FRY: variants seen among roughly 807,000 people sequenced by gnomAD.
The protein encoded by FRY is FRY microtubule binding protein.
In FRY, 128 loss-of-function variants were observed where a neutral mutation model predicts 348.4. The ratio of observed to expected loss-of-function variants is 0.37; its 90% CI spans 0.32 to 0.43. FRY has a LOEUF of 0.43. FRY is among the 20% of genes least tolerant of loss of function. FRY has a pLI of 1.00. For synonymous variants in FRY, 1,370 were observed against 1,374.7 expected (o/e 1.00, Z 0.08); for missense variants, 2,736 against 3,695.2 (o/e 0.74, Z 6.73).
At chr13:32,269,622 G>A (rs1275437460) in intron 55 of FRY, among the ~76,000 whole-genome samples, 7 of 152,032 alleles carry the variant, frequency 4.6e-5, no homozygotes, top group Non-Finnish European at 8.8e-5. Flanking sequence ...AACCTGGGAG[G>A]CAGAGGTTGC....
chr13:32,090,524 G>A (rs1876226912), intron 2 of FRY, among the ~76,000 whole-genome samples: 1 of 152,106 alleles, frequency 6.6e-6, no homozygotes, highest in Admixed American at 6.5e-5. Context: ...ATGTCCTGAA[G>A]GAGATAGGAA....
At chr13:32,032,927 A>G (rs1458975581) in intron 1 of FRY, among the ~76,000 whole-genome samples, 1 of 152,234 alleles carries the variant, frequency 6.6e-6, no homozygotes, top group Admixed American at 6.5e-5. Context: ...CCTGTGGCCA[A>G]GATTGTTCTT....
At chr13:32,248,786 T>G (rs1886930515) in intron 48 of FRY, among the ~76,000 whole-genome samples, 1 of 152,216 alleles carries the variant, frequency 6.6e-6, no homozygotes, top group Non-Finnish European at 1.5e-5. Flanking sequence ...AAGCTATTTT[T>G]TCTCTGCAAT....
At chr13:32,204,856 A>G (rs1214878958) in intron 31 of FRY, among the ~76,000 whole-genome samples, 1 of 152,222 alleles carries the variant, frequency 6.6e-6, no homozygotes, top group African/African-American at 2.4e-5. Flanking sequence ...TCAGAAATAC[A>G]GAGGGAAATA....
intron 20 of FRY, among the ~76,000 whole-genome samples, chr13:32,175,870 A>T (rs1364999657): frequency 6.6e-6 from 1 of 152,224 alleles, no homozygotes; most frequent in Non-Finnish European, 1.5e-5. Context: ...AACAGTTTTA[A>T]GAATTGCTCA....
chr13:32,205,496 G>A (rs1353765953), intron 31 of FRY, among the ~76,000 whole-genome samples: 1 of 152,158 alleles, frequency 6.6e-6, no homozygotes, highest in Non-Finnish European at 1.5e-5. Flanking sequence ...GTAATTGGGG[G>A]ATTATATAGA....
At chr13:32,129,852 T>C (rs991698186) in intron 7 of FRY, among the ~76,000 whole-genome samples, 24 of 152,084 alleles carry the variant, frequency 1.6e-4, no homozygotes, top group African/African-American at 5.3e-4. Flanking sequence ...AACTAGAAAA[T>C]TGCCAGCACT....
At chr13:32,259,209 C>T (rs1887498250) in intron 51 of FRY, among the ~76,000 whole-genome samples, 1 of 152,188 alleles carries the variant, frequency 6.6e-6, no homozygotes, top group Non-Finnish European at 1.5e-5. Context: ...GGGTGGGTCT[C>T]CCACTAGGGC....
At chr13:32,280,808 C>T (rs947767455) in intron 58 of FRY, among the ~76,000 whole-genome samples, 5 of 152,144 alleles carry the variant, frequency 3.3e-5, no homozygotes, top group East Asian at 1.9e-4. Flanking sequence ...TTATAGCTTC[C>T]GGGTTAACCC....
At chr13:32,206,288 C>CA (rs1298834621) in intron 31 of FRY, among the ~76,000 whole-genome samples, 1 of 152,124 alleles carries the variant, frequency 6.6e-6, no homozygotes, top group African/African-American at 2.4e-5. Flanking sequence ...GGAGGGAGAA[C>CA]ACTCAGGAGA....
intron 1 of FRY, among the ~76,000 whole-genome samples, chr13:32,046,897 CAA>C (rs1193745663): frequency 6.6e-6 from 1 of 152,098 alleles, no homozygotes; most frequent in Non-Finnish European, 1.5e-5. Context: ...TTTGACTAAA[CAA>C]GAGTTTTTTC....
Position 32,295,519 on chromosome 13 carries a change from G to A in FRY, c.*59G>A, listed in dbSNP as rs559222048. 1.2e-5 allele frequency: 18 copies of A among 1,487,062 alleles called. No individual in the cohort carries two copies. Among genetic ancestry groups the A allele is most frequent in the Admixed American group, 5.0e-5 (3 of 59,850 alleles). 92.1% of individuals were successfully genotyped at this position (1,487,062 alleles called of 1,614,324 possible). A position where few individuals can be genotyped will look rare whatever the true frequency, so the allele number is the denominator to read the frequency against. ...GGCAGTGCTGCCATGCTGGGGCAAC[G>A]TCATTCAGTGTCTTCTCGGCCTTCA... On this transcript the variant is annotated 3_prime_UTR_variant, in exon 61 of 61. Coordinates refer to ENST00000542859, the MANE Select transcript of FRY (RefSeq NM_023037.3).
intron 8 of FRY, among the ~76,000 whole-genome samples, chr13:32,132,768 CA>C (rs1221721739): frequency 6.6e-6 from 1 of 151,986 alleles, no homozygotes; most frequent in African/African-American, 2.4e-5. Context: ...TCATAGTTGC[CA>C]AAAAGTGGAA....
intron 4 of FRY, among the ~76,000 whole-genome samples, chr13:32,119,364 A>G (rs1200013310): frequency 6.6e-6 from 1 of 152,246 alleles, no homozygotes; most frequent in Non-Finnish European, 1.5e-5. Flanking sequence ...TGGACTGCCA[A>G]ATAAATCTGT....
intron 55 of FRY, among the ~76,000 whole-genome samples, chr13:32,267,772 G>A (rs537804003): frequency 6.6e-6 from 1 of 152,004 alleles, no homozygotes; most frequent in East Asian, 1.9e-4. Context: ...TCCTTAGCAT[G>A]CCAGCCATAG....
chr13:32,185,289 A>G (rs1372657989), intron 26 of FRY, 141 bp downstream of exon 26: 2 of 731,454 alleles, frequency 2.7e-6, no homozygotes, highest in Non-Finnish European at 4.9e-6. Context: ...AGATACTAGG[A>G]CATATATATG....
chr13:32,200,872 T>A (rs994120940), intron 29 of FRY, among the ~76,000 whole-genome samples: 4 of 152,168 alleles, frequency 2.6e-5, no homozygotes, highest in Admixed American at 6.5e-5. Flanking sequence ...CTCCCTTCCT[T>A]CTGTCTCTAC....
intron 57 of FRY, among the ~76,000 whole-genome samples, chr13:32,277,158 A>G (rs1389787089): frequency 6.6e-6 from 1 of 152,190 alleles, no homozygotes; most frequent in Non-Finnish European, 1.5e-5. Flanking sequence ...AATTGTATGT[A>G]GTATGTATTA....
At chr13:32,287,174 A>AG (rs1336148455) in intron 58 of FRY, among the ~76,000 whole-genome samples, 1 of 152,132 alleles carries the variant, frequency 6.6e-6, no homozygotes, top group Non-Finnish European at 1.5e-5. Context: ...CAAAAAAAAA[A>AG]AAAAGAAAGA....
Sources: allele counts gnomAD v4.1 joint callset (sites outside exome capture counted in the v4.1 genomes callset), GRCh38; gene constraint gnomAD v4.1.1; transcripts MANE v1.5; gene names NCBI Gene and HGNC (gene_info 2026-07-23, HGNC 2026-07-21).